BTBD9: variants seen among roughly 807,000 people sequenced by gnomAD.
The protein encoded by BTBD9 is BTB/POZ domain-containing protein 9.
Under a neutral mutation model 64.3 loss-of-function variants are expected in BTBD9, and 49 were observed. The ratio of observed to expected loss-of-function variants is 0.76; its 90% CI spans 0.61 to 0.97. BTBD9 has a LOEUF of 0.97. Ranked by LOEUF, BTBD9 falls within the 50% of genes least tolerant of loss-of-function variation. The pLI, the probability that BTBD9 is intolerant of heterozygous loss-of-function variation, is 0.00. For synonymous variants in BTBD9, 260 were observed against 274.7 expected, an observed-to-expected ratio of 0.95 and a Z score of 0.53; for missense variants, 598 against 762.1, an observed-to-expected ratio of 0.78 and a Z score of 2.53.
intron 9 of BTBD9, among the ~76,000 whole-genome samples, chr6:38,254,527 C>T (rs1005303043): frequency 6.6e-6 from 1 of 152,008 alleles, no homozygotes; most frequent in African/African-American, 2.4e-5. Flanking sequence ...GTCCCAGCTG[C>T]CTGGGAGACT....
intron 8 of BTBD9, among the ~76,000 whole-genome samples, chr6:38,270,472 C>CCACT (rs1454673459): frequency 2.0e-5 from 3 of 152,066 alleles, no homozygotes; most frequent in Non-Finnish European, 4.4e-5. Flanking sequence ...CAGGATCCTC[C>CCACT]CACTCTGGCA....
At chr6:38,343,006 A>G (rs2127588886) in intron 7 of BTBD9, among the ~76,000 whole-genome samples, 1 of 152,290 alleles carries the variant, frequency 6.6e-6, no homozygotes, top group South Asian at 2.1e-4. Context: ...CACTGCAGGC[A>G]ATCTTCTGGC....
At chr6:38,565,361 T>A (rs980205734) in intron 6 of BTBD9, among the ~76,000 whole-genome samples, 5 of 152,154 alleles carry the variant, frequency 3.3e-5, no homozygotes, top group Non-Finnish European at 4.4e-5. Context: ...ATACCAGTAG[T>A]ATGCAACCCC....
At chr6:38,181,373 C>G (rs1243269537) in intron 10 of BTBD9, among the ~76,000 whole-genome samples, 2 of 152,212 alleles carry the variant, frequency 1.3e-5, no homozygotes, top group Non-Finnish European at 2.9e-5. Flanking sequence ...ATATCTACCT[C>G]TTGATGTCTG....
chr6:38,395,767 C>T (rs912048634), intron 6 of BTBD9, among the ~76,000 whole-genome samples: 19 of 151,100 alleles, frequency 1.3e-4, no homozygotes, highest in African/African-American at 4.4e-4. Flanking sequence ...TGGAGTGCAG[C>T]GGTGTGATCT....
intron 9 of BTBD9, among the ~76,000 whole-genome samples, chr6:38,204,555 G>A (rs974208173): frequency 3.3e-5 from 5 of 152,114 alleles, no homozygotes; most frequent in African/African-American, 1.2e-4. Context: ...TTAACTGGGG[G>A]GATTGGGAGG....
intron 6 of BTBD9, among the ~76,000 whole-genome samples, chr6:38,478,963 T>A (rs1771011532): frequency 6.6e-6 from 1 of 152,198 alleles, no homozygotes; most frequent in African/African-American, 2.4e-5. Flanking sequence ...AGTATCACAG[T>A]CTACCTGAAG....
intron 7 of BTBD9, among the ~76,000 whole-genome samples, chr6:38,302,167 A>G (rs1417635925): frequency 6.6e-6 from 1 of 152,110 alleles, no homozygotes; most frequent in East Asian, 1.9e-4. Context: ...CTTGAAATAT[A>G]CAGTGCAACA....
chr6:38,520,255 A>C (rs1464402825), intron 6 of BTBD9, among the ~76,000 whole-genome samples: 2 of 152,126 alleles, frequency 1.3e-5, no homozygotes, highest in Non-Finnish European at 2.9e-5. Flanking sequence ...GGAATTCCAG[A>C]CCAGCCTGGC....
intron 9 of BTBD9, among the ~76,000 whole-genome samples, chr6:38,199,249 C>T (rs763182478): frequency 6.6e-6 from 1 of 151,924 alleles, no homozygotes; most frequent in Non-Finnish European, 1.5e-5. Flanking sequence ...GATGGTGAGA[C>T]CCCCCCAGTT....
chr6:38,506,060 C>G (rs1050351314), intron 6 of BTBD9, among the ~76,000 whole-genome samples: 2 of 149,772 alleles, frequency 1.3e-5, no homozygotes, highest in African/African-American at 4.9e-5. Context: ...TTTCCTGCCT[C>G]AGTAAGTGGT....
At chr6:38,523,516 G>A (rs1000068249) in intron 6 of BTBD9, among the ~76,000 whole-genome samples, 3 of 152,090 alleles carry the variant, frequency 2.0e-5, no homozygotes, top group Non-Finnish European at 2.9e-5. Flanking sequence ...GTTTCAGAGA[G>A]CTCTGTCCCA....
intron 10 of BTBD9, among the ~76,000 whole-genome samples, chr6:38,176,514 C>T (rs1391570372): frequency 1.3e-5 from 2 of 152,168 alleles, no homozygotes; most frequent in Non-Finnish European, 1.5e-5. Flanking sequence ...CTCCTGCAGA[C>T]CCCTCACTGC....
At chr6:38,358,783 G>A (rs1052755682) in intron 6 of BTBD9, among the ~76,000 whole-genome samples, 9 of 98,568 alleles carry the variant, frequency 9.1e-5, no homozygotes, top group Admixed American at 9.0e-4. Flanking sequence ...TTTTTTTTTT[G>A]AGACGGAGTC....
chr6:38,441,562 G>A (rs1033206223), intron 6 of BTBD9, among the ~76,000 whole-genome samples: 11 of 151,922 alleles, frequency 7.2e-5, no homozygotes, highest in Admixed American at 3.3e-4. Context: ...ACAGGCACCC[G>A]CTACCGTGCC....
At chr6:38,576,872 T>A (rs1776061690) in intron 6 of BTBD9, among the ~76,000 whole-genome samples, 1 of 152,170 alleles carries the variant, frequency 6.6e-6, no homozygotes, top group Admixed American at 6.5e-5. Context: ...TGTATAGGCT[T>A]TACAAAATTT....
chr6:38,483,115 C>T (rs1200725184), intron 6 of BTBD9, among the ~76,000 whole-genome samples: 1 of 151,908 alleles, frequency 6.6e-6, no homozygotes, highest in Non-Finnish European at 1.5e-5. Flanking sequence ...CTCCCTTGAC[C>T]CTAGGTCCCC....
chr6:38,222,265 T>TG (rs1405339930), intron 9 of BTBD9, among the ~76,000 whole-genome samples: 1 of 137,524 alleles, frequency 7.3e-6, no homozygotes, highest in East Asian at 2.2e-4. Context: ...TTGTTTTTTT[T>TG]TTTTTTTTTT....
intron 6 of BTBD9, among the ~76,000 whole-genome samples, chr6:38,414,488 C>T (rs530482031): frequency 6.6e-6 from 1 of 152,190 alleles, no homozygotes; most frequent in African/African-American, 2.4e-5. Flanking sequence ...TTTTTAAAAA[C>T]AACCAACAGA....
Sources: allele counts gnomAD v4.1 joint callset (sites outside exome capture counted in the v4.1 genomes callset), GRCh38; gene constraint gnomAD v4.1.1; transcripts MANE v1.5; gene names NCBI Gene and HGNC (gene_info 2026-07-23, HGNC 2026-07-21).